Variants in NR2E1 observed in about 807,000 individuals in gnomAD.
NR2E1 encodes nuclear receptor TLX.
A neutral mutation model predicts 43.6 loss-of-function variants in NR2E1; 5 were observed. The observed-to-expected ratio is 0.11, with a 90% confidence interval of 0.06 to 0.24. The LOEUF (loss-of-function observed/expected upper bound fraction) is 0.24, where lower values mean the gene tolerates loss of function less well. NR2E1 is among the 10% of genes least tolerant of loss of function. The pLI is 1.00. For synonymous variants in NR2E1, 191 were observed against 195.5 expected (o/e 0.98, Z 0.19); for missense variants, 287 against 496.7 (o/e 0.58, Z 4.01).
rs1774113049 is a variant in NR2E1, at chr6:108,188,528, C to CAG, written c.*1066_*1067insGA. ...ACACACACACACACACACACACACA[C>CAG]ACACACACACACACACACACACACC... On this transcript the variant is annotated 3_prime_UTR_variant, in exon 9 of 9. Transcript: ENST00000368986. 1 of 152,794 alleles carries CAG rather than the reference C, an allele frequency of 6.5e-6. No individual in the cohort carries two copies. Among genetic ancestry groups the CAG allele is most frequent in the East Asian group, 1.9e-4 (1 of 5,234 alleles). 9.5% of individuals were successfully genotyped at this position (152,794 alleles called of 1,614,324 possible).
At chr6:108,168,094 C>G (rs779151880) in intron 1 of NR2E1, 54 of 1,604,148 alleles carry the variant, frequency 3.4e-5, no homozygotes, top group Non-Finnish European at 4.3e-5. Context: ...AGAGCGGACC[C>G]TGGCCCAGGA....
At position 108,171,546 on chromosome 6, in the gene NR2E1, T is replaced by C. The variant is rs1425303934; in HGVS notation, c.114T>C (p.Gly38=). The C allele has an allele frequency of 1.9e-6, 3 of 1,613,866 alleles. No individual in the cohort carries two copies. Among genetic ancestry groups the C allele is most frequent in the South Asian group, 2.2e-5 (2 of 91,066 alleles). ...TCTACGCCTGCGACGGCTGCTCAGG[T>C]TTTTTCAAACGGAGCATCCGAAGGA... The part of the protein sequence containing the change: ...YGVYACDGCS[G]FFKRSIRRNR... The change falls in exon 2 of 9, where the codon GGT becomes GGC. Residue 38 remains glycine (G), a synonymous_variant. Transcript: ENST00000368986.
intron 2 of NR2E1, among the ~76,000 whole-genome samples, chr6:108,173,212 T>C (rs753299620): frequency 1.3e-5 from 2 of 152,226 alleles, no homozygotes; most frequent in African/African-American, 4.8e-5. Flanking sequence ...TTTATATACA[T>C]TTGATCTGAT....
At chr6:108,167,775 A>G (rs756676232) in intron 1 of NR2E1, among the ~76,000 whole-genome samples, 8 of 151,728 alleles carry the variant, frequency 5.3e-5, no homozygotes, top group Non-Finnish European at 7.4e-5. Flanking sequence ...CGCAGATAGC[A>G]TTTTTGGCGC....
intron 1 of NR2E1, among the ~76,000 whole-genome samples, chr6:108,167,132 G>C (rs573863722): frequency 6.6e-6 from 1 of 152,056 alleles, no homozygotes; most frequent in African/African-American, 2.4e-5. Context: ...AGCTCCAGGC[G>C]GTAGCACAAT....
At chr6:108,173,180 T>G (rs1234980870) in intron 2 of NR2E1, among the ~76,000 whole-genome samples, 1 of 152,212 alleles carries the variant, frequency 6.6e-6, no homozygotes, top group East Asian at 1.9e-4. Context: ...GAGGCGTTTA[T>G]CCTTCTCTCT....
intron 3 of NR2E1, among the ~76,000 whole-genome samples, chr6:108,175,566 G>A (rs1383462509): frequency 6.6e-6 from 1 of 152,238 alleles, no homozygotes; most frequent in Non-Finnish European, 1.5e-5. Context: ...GCGCGCAACA[G>A]CAAGAACCAG....
intron 1 of NR2E1, among the ~76,000 whole-genome samples, chr6:108,167,398 A>C (rs533498762): frequency 1.4e-4 from 21 of 152,270 alleles, no homozygotes; most frequent in African/African-American, 5.1e-4. Flanking sequence ...TTCGAGCCGG[A>C]GCCCAGCAGA....
rs1167338108 is a variant in NR2E1 at position 108,169,460 on chromosome 6, C to T, written c.26-1998C>T. On this transcript the variant is annotated intron_variant, in intron 1 of 8. Coordinates refer to ENST00000368986, the MANE Select transcript of NR2E1 (RefSeq NM_003269.5). The surrounding 1 kb of genome is among the most constrained non-coding windows in gnomAD (Gnocchi z 6.1). ...AGAGACCCCACCACTGCTCCTCCCACTCACTCATCTTGGCATCTTCAACAG... is the reference window on the plus strand; with the variant it reads ...AGAGACCCCACCACTGCTCCTCCCATTCACTCATCTTGGCATCTTCAACAG... Among the ~76,000 whole-genome samples the T allele has an allele frequency of 2.0e-5, 3 of 152,200 alleles. No individual in the cohort carries two copies. The highest frequency in any genetic ancestry group is 6.5e-5 in the Admixed American group (1 of 15,286).
In NR2E1 at chr6:108,175,744, CG is replaced by C. The variant is rs201818707; in HGVS notation, c.260-756del. Among the ~76,000 whole-genome samples the C allele has an allele frequency of 6.3e-3, 957 of 152,246 alleles. 10 individuals carry two copies. The highest frequency in any genetic ancestry group is 0.021 in the African/African-American group (887 of 41,568). ...GGTTTTGCTGTGAGGCGGCCCGGGC[CG>C]GGTGGCAGCTCCAGGAGGAGAGAGA... On this transcript the variant is annotated intron_variant, in intron 3 of 8. Coordinates refer to ENST00000368986, the MANE Select transcript of NR2E1 (RefSeq NM_003269.5).
At chr6:108,179,611 C>A (rs1202016309) in intron 5 of NR2E1, among the ~76,000 whole-genome samples, 1 of 151,462 alleles carries the variant, frequency 6.6e-6, no homozygotes, top group African/African-American at 2.4e-5. Context: ...TGCCACTTAG[C>A]CCTTTGGTAG....
chr6:108,175,680 C>T (rs1347343982), intron 3 of NR2E1, among the ~76,000 whole-genome samples: 4 of 152,184 alleles, frequency 2.6e-5, no homozygotes. Flanking sequence ...GGGTAATGGG[C>T]TGGAGGACAC....
At chr6:108,173,592 T>G (rs1773846622) in intron 2 of NR2E1, among the ~76,000 whole-genome samples, 1 of 152,192 alleles carries the variant, frequency 6.6e-6, no homozygotes, top group South Asian at 2.1e-4. Context: ...AATTTTCCCC[T>G]AAAGGGCTTC....
chr6:108,183,389 T>A (rs963294659), intron 8 of NR2E1, among the ~76,000 whole-genome samples: 4 of 150,952 alleles, frequency 2.6e-5, no homozygotes, highest in Middle Eastern at 3.4e-3. Flanking sequence ...TTATGCCATT[T>A]AAAAAAAAAG....
chr6:108,176,124 T>G (rs536727340), intron 3 of NR2E1: 53 of 221,388 alleles, frequency 2.4e-4, no homozygotes, highest in African/African-American at 1.1e-3. Context: ...ACGCTCCCTC[T>G]CTTTTGGATG....
chr6:108,185,674 G>A (rs1345997936), intron 8 of NR2E1, among the ~76,000 whole-genome samples: 2 of 152,136 alleles, frequency 1.3e-5, no homozygotes, highest in African/African-American at 4.8e-5. Context: ...ACAGGTATGA[G>A]CCACCACACC....
chr6:108,176,806 T>A, intron 4 of NR2E1, 68 bp downstream of exon 4: 1 of 1,419,414 alleles, frequency 7.0e-7, no homozygotes, highest in South Asian at 1.3e-5. Context: ...CCAGTTCTTC[T>A]GAGCTGTGTG....
At chr6:108,173,701 C>G (rs1009211455) in intron 2 of NR2E1, among the ~76,000 whole-genome samples, 1 of 152,204 alleles carries the variant, frequency 6.6e-6, no homozygotes, top group Admixed American at 6.5e-5. Context: ...CTTCTCACTA[C>G]AAATCTAACA....
chr6:108,178,611 G>C (rs956031456), intron 5 of NR2E1, among the ~76,000 whole-genome samples: 4 of 152,218 alleles, frequency 2.6e-5, no homozygotes, highest in African/African-American at 7.2e-5. Flanking sequence ...TTGGAACTGA[G>C]AGAAGTAGAA....
Sources: allele counts gnomAD v4.1 joint callset (sites outside exome capture counted in the v4.1 genomes callset), GRCh38; gene constraint gnomAD v4.1.1; non-coding constraint Gnocchi (gnomAD v3.1); transcripts MANE v1.5; gene names NCBI Gene and HGNC (gene_info 2026-07-23, HGNC 2026-07-21).